The following GRM5 variants were observed in gnomAD, a reference collection of about 807,000 sequenced individuals.
GRM5 encodes glutamate metabotropic receptor 5.
Under a neutral mutation model 83.1 loss-of-function variants are expected in GRM5, and 19 were observed. That is an observed-to-expected ratio of 0.23 (90% CI 0.16 to 0.34). GRM5 has a LOEUF of 0.34. Among genes scored for constraint, GRM5 ranks in the 10% least tolerant of loss-of-function variants. The pLI, the probability that GRM5 is intolerant of heterozygous loss-of-function variation, is 1.00. For missense variants in GRM5, 1,160 were observed against 1,588.3 expected (o/e 0.73, Z 4.58); for synonymous variants, 675 against 633.6 (o/e 1.07, Z -0.98).
rs369951090 is a variant in GRM5, at chr11:88,928,907, T to TATATATATACAC, written c.662-78753_662-78752insGTGTATATATAT. ...GTTTGTACCTATGTGTATGTGTATA[T>TATATATATACAC]ACACACACACACACACACACACACA... On this transcript the variant is annotated intron_variant, in intron 2 of 9. Transcript: ENST00000305447. 1.4e-3 allele frequency among the ~76,000 whole-genome samples: 198 copies of TATATATATACAC among 138,752 alleles called. 3 individuals are homozygous for TATATATATACAC. The highest frequency in any genetic ancestry group is 6.5e-3 in the East Asian group (31 of 4,782). The allele number at this position is 138,752 out of a possible 152,430, so 91.0% of individuals were successfully genotyped here. A position where few individuals can be genotyped will look rare whatever the true frequency, so the allele number is the denominator to read the frequency against.
chr11:88,946,524 G>A (rs1403537866), intron 2 of GRM5, among the ~76,000 whole-genome samples: 1 of 152,058 alleles, frequency 6.6e-6, no homozygotes, highest in Non-Finnish European at 1.5e-5. Context: ...CATCATGGAT[G>A]CAGCTAGATG....
At chr11:89,038,153 G>T (rs1416481191) in intron 2 of GRM5, among the ~76,000 whole-genome samples, 1 of 44,872 alleles carries the variant, frequency 2.2e-5, no homozygotes, top group African/African-American at 1.0e-4. Context: ...GAATCTCATT[G>T]TGTGTGTGTG....
chr11:89,028,801 T>C (rs566700346), intron 2 of GRM5, among the ~76,000 whole-genome samples: 8 of 152,224 alleles, frequency 5.3e-5, no homozygotes, highest in Non-Finnish European at 1.0e-4. Context: ...TTTTTAATTA[T>C]ACTTTAAGTT....
At chr11:88,749,759 A>G (rs1942225061) in intron 3 of GRM5, among the ~76,000 whole-genome samples, 1 of 152,208 alleles carries the variant, frequency 6.6e-6, no homozygotes, top group Non-Finnish European at 1.5e-5. Flanking sequence ...CAGAAACCCT[A>G]CAAGCCAGAA....
In GRM5 at chr11:88,666,669, A is replaced by C. The variant is rs145468578; in HGVS notation, c.912-13266T>G. Among the ~76,000 whole-genome samples, 106 of 152,358 alleles carry C rather than the reference A, an allele frequency of 7.0e-4. No individual in the cohort carries two copies. In the Middle Eastern group the frequency reaches 0.014, roughly 20 times the overall value. Reference sequence around the variant, plus strand: ...TTTTTATTTGGGATCATTACAGGCTATATTTTAGTTGTAAAGACAAACTGG... The same window carrying C: ...TTTTTATTTGGGATCATTACAGGCTCTATTTTAGTTGTAAAGACAAACTGG... On this transcript the variant is annotated intron_variant, in intron 3 of 9. Transcript: ENST00000305447.
intron 4 of GRM5, among the ~76,000 whole-genome samples, chr11:88,616,284 A>C (rs916304401): frequency 2.0e-5 from 3 of 152,186 alleles, no homozygotes; most frequent in African/African-American, 7.2e-5. Context: ...AATATGCCTA[A>C]TATGTTCTTT....
Position 88,751,663 on chromosome 11 carries a change from G to A in GRM5, c.911+98243C>T, listed in dbSNP as rs150354376. On this transcript the variant is annotated intron_variant, in intron 3 of 9. Coordinates refer to ENST00000305447, the MANE Select transcript of GRM5 (RefSeq NM_001143831.3). ...CAGAGATACAACAAAGGAAAGTTCAGGCCAATATCCTTGTTGAACATGAAT... is the reference window on the plus strand; with the variant it reads ...CAGAGATACAACAAAGGAAAGTTCAAGCCAATATCCTTGTTGAACATGAAT... Among the ~76,000 whole-genome samples the A allele has an allele frequency of 9.3e-4, 141 of 152,082 alleles. 3 individuals carry two copies. Among genetic ancestry groups the A allele is most frequent in the African/African-American group, 2.5e-3 (105 of 41,544 alleles).
At chr11:88,657,756 T>G (rs927448419) in intron 3 of GRM5, among the ~76,000 whole-genome samples, 10 of 152,186 alleles carry the variant, frequency 6.6e-5, no homozygotes, top group South Asian at 4.2e-4. Flanking sequence ...TTTTCCTAGG[T>G]CTCTATAACC....
At chr11:88,537,596 T>G (rs995238933) in intron 8 of GRM5, among the ~76,000 whole-genome samples, 1 of 152,154 alleles carries the variant, frequency 6.6e-6, no homozygotes, top group Admixed American at 6.6e-5. Flanking sequence ...AGGGAAACAG[T>G]GAAGCCAAAT....
chr11:88,716,354 T>C (rs536395355), intron 3 of GRM5, among the ~76,000 whole-genome samples: 1 of 151,906 alleles, frequency 6.6e-6, no homozygotes, highest in African/African-American at 2.4e-5. Context: ...TAAGCGATGA[T>C]TATTATTAGG....
chr11:89,042,979 T>G (rs1301247162), intron 2 of GRM5, among the ~76,000 whole-genome samples: 1 of 152,164 alleles, frequency 6.6e-6, no homozygotes, highest in Admixed American at 6.5e-5. Flanking sequence ...ATTCCTGTCA[T>G]TAGACAGAAA....
chr11:88,653,135 A>G (rs758054042), intron 4 of GRM5, 33 bp downstream of exon 4: 3 of 1,284,664 alleles, frequency 2.3e-6, no homozygotes, highest in Non-Finnish European at 3.4e-6. Context: ...CCTTAGCCTT[A>G]TGCATTTTAA....
At chr11:88,844,376 A>G (rs1445819511) in intron 3 of GRM5, among the ~76,000 whole-genome samples, 1 of 151,482 alleles carries the variant, frequency 6.6e-6, no homozygotes, top group Non-Finnish European at 1.5e-5. Context: ...ACACACACAC[A>G]CACACACACA....
intron 2 of GRM5, among the ~76,000 whole-genome samples, chr11:88,896,310 C>T (rs1232895458): frequency 6.6e-6 from 1 of 151,152 alleles, no homozygotes; most frequent in Non-Finnish European, 1.5e-5. Flanking sequence ...GGAAAGGCAT[C>T]GTATCATAAA....
In GRM5 at chr11:88,896,372, GA is replaced by G. The variant is rs552089322; in HGVS notation, c.662-46218del. Reference sequence around the variant, plus strand: ...AAGGAAGATATGTAGAAAGGGATACGAAAAAAAGGAGGAAATAAAACAATAG... The same window carrying G: ...AAGGAAGATATGTAGAAAGGGATACGAAAAAAGGAGGAAATAAAACAATAG... On this transcript the variant is annotated intron_variant, in intron 2 of 9. Transcript: ENST00000305447. 1.4e-4 allele frequency among the ~76,000 whole-genome samples: 21 copies of G among 151,724 alleles called. No homozygotes were observed. The South Asian group carries it at 3.3e-3, about 24-fold the overall frequency.
chr11:88,865,442 A>C (rs188648978), intron 2 of GRM5, among the ~76,000 whole-genome samples: 1 of 152,322 alleles, frequency 6.6e-6, no homozygotes, highest in East Asian at 1.9e-4. Context: ...AGTAATACCT[A>C]AAACCATAAA....
At chr11:88,528,799 A>C (rs931423749) in intron 8 of GRM5, among the ~76,000 whole-genome samples, 9 of 152,032 alleles carry the variant, frequency 5.9e-5, no homozygotes, top group African/African-American at 9.7e-5. Context: ...ACTATTGTAA[A>C]TTATTAAAAC....
chr11:88,677,550 A>C (rs1940364880), intron 3 of GRM5, among the ~76,000 whole-genome samples: 1 of 152,162 alleles, frequency 6.6e-6, no homozygotes, highest in African/African-American at 2.4e-5. Flanking sequence ...AATGAAGTTG[A>C]AACATGGAGA....
chr11:88,823,953 C>T (rs138758058), intron 3 of GRM5, among the ~76,000 whole-genome samples: 7 of 152,190 alleles, frequency 4.6e-5, no homozygotes, highest in East Asian at 3.9e-4. Flanking sequence ...TTTGGTCCTA[C>T]GATCATTCCA....
Sources: gnomAD v4.1 joint callset for allele counts (sites outside exome capture counted in the v4.1 genomes callset) on GRCh38, gnomAD v4.1.1 for gene constraint, MANE v1.5 for transcripts, NCBI Gene and HGNC (gene_info 2026-07-23, HGNC 2026-07-21) for gene names.